PDE4B: variants seen among roughly 807,000 people sequenced by gnomAD.
The protein encoded by PDE4B is 3',5'-cyclic-AMP phosphodiesterase 4B.
Under a neutral mutation model 82.2 loss-of-function variants are expected in PDE4B, and 20 were observed. That is an observed-to-expected ratio of 0.24 (90% confidence interval 0.17 to 0.35). PDE4B has a LOEUF of 0.35. PDE4B is among the 10% of genes least tolerant of loss of function. PDE4B has a pLI of 1.00. For missense variants in PDE4B, 655 were observed against 907.2 expected (o/e 0.72, Z 3.57); for synonymous variants, 320 against 318.9 (o/e 1.00, Z -0.04).
chr1:66,287,606 C>A (rs1421282809), intron 7 of PDE4B, among the ~76,000 whole-genome samples: 1 of 152,120 alleles, frequency 6.6e-6, no homozygotes. Context: ...TCTGGCCTGG[C>A]AATCATTAGC....
intron 1 of PDE4B, among the ~76,000 whole-genome samples, chr1:65,850,742 T>A (rs913882800): frequency 4.6e-5 from 7 of 152,164 alleles, no homozygotes; most frequent in African/African-American, 1.7e-4. Flanking sequence ...GTTACAAAAG[T>A]TTTCCCTCAG....
chr1:65,970,003 A>C (rs1231281897), intron 3 of PDE4B, among the ~76,000 whole-genome samples: 2 of 152,070 alleles, frequency 1.3e-5, no homozygotes, highest in East Asian at 3.8e-4. Flanking sequence ...TAATAATTCA[A>C]CTTTCTTAGG....
chr1:66,339,839 T>G (rs1400899374), intron 8 of PDE4B, among the ~76,000 whole-genome samples: 7 of 107,118 alleles, frequency 6.5e-5, no homozygotes, highest in Admixed American at 4.2e-4. Flanking sequence ...TTTTTGTTTG[T>G]TTTTTTTGTT....
chr1:66,224,951 G>C (rs1293572955), intron 3 of PDE4B, among the ~76,000 whole-genome samples: 2 of 152,134 alleles, frequency 1.3e-5, no homozygotes, highest in Non-Finnish European at 2.9e-5. Context: ...AATCACAAGA[G>C]AGCTAATTTA....
At chr1:66,073,995 T>C (rs1245050637) in intron 3 of PDE4B, among the ~76,000 whole-genome samples, 5 of 152,118 alleles carry the variant, frequency 3.3e-5, no homozygotes, top group African/African-American at 1.2e-4. Flanking sequence ...CAGTGTTCCT[T>C]GGGAACTTCA....
intron 3 of PDE4B, among the ~76,000 whole-genome samples, chr1:66,164,919 C>T (rs560042106): frequency 2.0e-5 from 3 of 151,790 alleles, no homozygotes; most frequent in Admixed American, 1.3e-4. Flanking sequence ...CCCACCACCA[C>T]GCCTGGCTAA....
intron 3 of PDE4B, among the ~76,000 whole-genome samples, chr1:66,212,745 T>C (rs1437771005): frequency 6.6e-6 from 1 of 152,150 alleles, no homozygotes; most frequent in Non-Finnish European, 1.5e-5. Context: ...GTGACCTCCA[T>C]CATGATATAT....
intron 1 of PDE4B, among the ~76,000 whole-genome samples, chr1:65,845,378 A>G (rs950907556): frequency 6.6e-6 from 1 of 152,166 alleles, no homozygotes; most frequent in African/African-American, 2.4e-5. Context: ...GCTAGCTTCT[A>G]TAGCTTCCTA....
intron 3 of PDE4B, among the ~76,000 whole-genome samples, chr1:65,990,750 ATGATTTTAGG>A: frequency 6.6e-6 from 1 of 152,340 alleles, no homozygotes; most frequent in African/African-American, 2.4e-5. Context: ...AGCAGCTAAT[ATGATTTTAGG>A]TAAGTTGCTT....
At chr1:66,146,334 C>T (rs1267830053) in intron 3 of PDE4B, among the ~76,000 whole-genome samples, 2 of 152,132 alleles carry the variant, frequency 1.3e-5, no homozygotes, top group East Asian at 1.9e-4. Context: ...CAGGCGCCGG[C>T]CACCATGCCT....
intron 1 of PDE4B, among the ~76,000 whole-genome samples, chr1:65,909,670 TG>T (rs1647065385): frequency 6.6e-6 from 1 of 152,198 alleles, no homozygotes; most frequent in Admixed American, 6.5e-5. Flanking sequence ...TTTGTCACCT[TG>T]GAAATTTTTA....
chr1:66,262,340 T>C (rs1158872712), intron 6 of PDE4B, among the ~76,000 whole-genome samples: 1 of 152,234 alleles, frequency 6.6e-6, no homozygotes, highest in Non-Finnish European at 1.5e-5. Flanking sequence ...AGTTGCTGCC[T>C]GCTCTTCTCA....
intron 3 of PDE4B, among the ~76,000 whole-genome samples, chr1:66,026,580 G>T (rs1446690192): frequency 6.6e-6 from 1 of 152,170 alleles, no homozygotes; most frequent in East Asian, 1.9e-4. Flanking sequence ...TGGGTTTGTT[G>T]TGAGAATACC....
At chr1:66,035,324 G>C (rs1266881564) in intron 3 of PDE4B, among the ~76,000 whole-genome samples, 1 of 151,786 alleles carries the variant, frequency 6.6e-6, no homozygotes, top group African/African-American at 2.4e-5. Context: ...ATTTCTCTGT[G>C]GTGAGAACAC....
chr1:65,864,723 T>C (rs1234138825), intron 1 of PDE4B, among the ~76,000 whole-genome samples: 1 of 152,196 alleles, frequency 6.6e-6, no homozygotes, highest in African/African-American at 2.4e-5. Flanking sequence ...TGCTGCCTGC[T>C]CCTTACTCTG....
At chr1:65,886,455 G>A (rs1415842410) in intron 1 of PDE4B, among the ~76,000 whole-genome samples, 1 of 152,124 alleles carries the variant, frequency 6.6e-6, no homozygotes, top group Admixed American at 6.6e-5. Context: ...ACACTATTCT[G>A]CTATTGAACA....
At chr1:66,009,274 G>A (rs1015739096) in intron 3 of PDE4B, among the ~76,000 whole-genome samples, 1 of 152,142 alleles carries the variant, frequency 6.6e-6, no homozygotes, top group Admixed American at 6.6e-5. Flanking sequence ...ACAAGGAAGC[G>A]AGACTGTCAC....
At chr1:66,291,900 T>C (rs1222227081) in intron 7 of PDE4B, among the ~76,000 whole-genome samples, 2 of 152,180 alleles carry the variant, frequency 1.3e-5, no homozygotes, top group South Asian at 2.1e-4. Flanking sequence ...AAGCTCCTTA[T>C]GTTGTCCTAC....
chr1:66,108,021 G>T (rs1373920340), intron 3 of PDE4B, among the ~76,000 whole-genome samples: 1 of 151,878 alleles, frequency 6.6e-6, no homozygotes, highest in Non-Finnish European at 1.5e-5. Context: ...ACAGCATGAT[G>T]TTTTGATATA....
Sources: gnomAD v4.1 joint callset for allele counts (sites outside exome capture counted in the v4.1 genomes callset) on GRCh38, gnomAD v4.1.1 for gene constraint, MANE v1.5 for transcripts, NCBI Gene and HGNC (gene_info 2026-07-23, HGNC 2026-07-21) for gene names.